Variants in PLPPR5 observed in about 807,000 individuals in gnomAD.
The protein encoded by PLPPR5 is phospholipid phosphatase related 5.
In PLPPR5, 16 loss-of-function variants were observed where a neutral mutation model predicts 33.9. That is an observed-to-expected ratio of 0.47 (90% confidence interval 0.32 to 0.72). The LOEUF is 0.72. Among genes scored for constraint, PLPPR5 ranks in the 30% least tolerant of loss-of-function variants. The probability of loss-of-function intolerance (pLI) is 0.03; values close to 1 mark genes in which losing one functional copy is unlikely to be tolerated. For synonymous variants in PLPPR5, 163 were observed against 150.3 expected, an observed-to-expected ratio of 1.08 and a Z score of -0.62; for missense variants, 301 against 406.7, an observed-to-expected ratio of 0.74 and a Z score of 2.23.
At chr1:98,980,063 G>A (rs1652001647) in intron 1 of PLPPR5, among the ~76,000 whole-genome samples, 1 of 152,018 alleles carries the variant, frequency 6.6e-6, no homozygotes, top group African/African-American at 2.4e-5. Flanking sequence ...TTCTGTGGCA[G>A]TCTCTATAAC....
chr1:98,912,885 G>A (rs1011581094), intron 5 of PLPPR5, among the ~76,000 whole-genome samples: 1 of 152,040 alleles, frequency 6.6e-6, no homozygotes, highest in African/African-American at 2.4e-5. Context: ...ATTAGTGTTA[G>A]TATATTATTA....
Position 98,906,601 on chromosome 1 carries a change from GT to G in PLPPR5, c.933+8184del, listed in dbSNP as rs199764572. ...GGTCTATTCACATGTTCTTGACCAAGTCCAAAGTAACTGGAGTAGGAAGAAC... is the reference window on the plus strand; with the variant it reads ...GGTCTATTCACATGTTCTTGACCAAGCCAAAGTAACTGGAGTAGGAAGAAC... On this transcript the variant is annotated intron_variant, in intron 5 of 5. Transcript: ENST00000263177. 8.0e-3 allele frequency among the ~76,000 whole-genome samples: 1,214 copies of G among 152,264 alleles called. 15 individuals are homozygous for G. The highest frequency in any genetic ancestry group is 0.011 in the Non-Finnish European group (765 of 68,018).
intron 1 of PLPPR5, among the ~76,000 whole-genome samples, chr1:98,979,878 G>A (rs1436181439): frequency 6.6e-6 from 1 of 151,964 alleles, no homozygotes; most frequent in Admixed American, 6.6e-5. Flanking sequence ...GCTCTGCCTT[G>A]CCTCTCAGCA....
rs776570787 is a variant in PLPPR5, at chr1:99,004,649, A to G, written c.23T>C (p.Leu8Pro). 2.9e-5 allele frequency: 46 copies of G among 1,611,248 alleles called. No homozygotes were observed. In the East Asian group the frequency reaches 9.2e-4, roughly 32 times the overall value. The change falls in exon 1 of 6, where the codon CTC (leucine) becomes CCC (proline). Residue 8 changes from leucine to proline, a missense_variant. By Grantham distance (98) the Leu-to-Pro change is moderately conservative. Coordinates refer to ENST00000263177, the MANE Select transcript of PLPPR5 (RefSeq NM_001037317.2). The part of the protein sequence containing the change: MPLLPAA[L>P]TSSMLYFQMV... ...CTGGAAATAGAGCATGCTGCTGGTG[A>G]GCGCCGCGGGCAGCAGGGGCATGCA...
intron 1 of PLPPR5, chr1:98,991,189 T>G (rs1467201373): frequency 6.6e-6 from 1 of 151,944 alleles, no homozygotes. Flanking sequence ...CAGCTTAGTC[T>G]CAGCAGGAGA....
intron 3 of PLPPR5, among the ~76,000 whole-genome samples, chr1:98,944,978 A>G (rs541235145): frequency 6.6e-6 from 1 of 152,210 alleles, no homozygotes; most frequent in Non-Finnish European, 1.5e-5. Context: ...TCAAATGACC[A>G]TGTATTCAGA....
At chr1:98,903,580 T>C (rs376384437) in intron 5 of PLPPR5, among the ~76,000 whole-genome samples, 56 of 152,208 alleles carry the variant, frequency 3.7e-4, no homozygotes, top group East Asian at 2.5e-3. Context: ...ATAGACAATA[T>C]CTGTATAAAC....
intron 3 of PLPPR5, among the ~76,000 whole-genome samples, chr1:98,926,670 C>T (rs1295623337): frequency 2.6e-5 from 4 of 152,022 alleles, no homozygotes; most frequent in Non-Finnish European, 5.9e-5. Context: ...CCTGTCAACA[C>T]CATTTTGAAC....
intron 1 of PLPPR5, among the ~76,000 whole-genome samples, chr1:99,001,450 T>C (rs1478860829): frequency 1.3e-5 from 2 of 151,930 alleles, no homozygotes; most frequent in Non-Finnish European, 2.9e-5. Context: ...CTCTTAACAA[T>C]GCAGCAGAGT....
Position 99,001,669 on chromosome 1 carries a change from A to AAGAT in PLPPR5, c.237+2762_237+2765dup, listed in dbSNP as rs370587528. Among the ~76,000 whole-genome samples the AAGAT allele has an allele frequency of 1.9e-3, 123 of 64,278 alleles. 1 individual carries two copies. Among genetic ancestry groups the AAGAT allele is most frequent in the East Asian group, 0.011 (23 of 2,182 alleles). The allele number at this position is 64,278 out of a possible 152,430, so 42.2% of individuals were successfully genotyped here. The stretch of plus-strand genomic sequence containing the variant: ...GAACTAGAAATGAGTTTGAAAGTTA[A>AAGAT]AGATATATATATATATATATATATA... On this transcript the variant is annotated intron_variant, in intron 1 of 5. Coordinates refer to ENST00000263177, the MANE Select transcript of PLPPR5 (RefSeq NM_001037317.2).
Position 98,914,931 on chromosome 1 carries a change from A to G in PLPPR5, c.799-11T>C. The G allele has an allele frequency of 6.2e-7, 1 of 1,607,384 alleles. No homozygotes were observed. On this transcript the variant is annotated splice_polypyrimidine_tract_variant and intron_variant, in intron 4 of 5. Coordinates refer to ENST00000263177, the MANE Select transcript of PLPPR5 (RefSeq NM_001037317.2). ...CACCACGCACACAACCTAAAATTTCAGAAGACAATTACAGTTAAAGCAAAC... is the reference window on the plus strand; with the variant it reads ...CACCACGCACACAACCTAAAATTTCGGAAGACAATTACAGTTAAAGCAAAC...
chr1:98,992,898 C>T (rs943598429), intron 1 of PLPPR5, among the ~76,000 whole-genome samples: 1 of 152,036 alleles, frequency 6.6e-6, no homozygotes, highest in Non-Finnish European at 1.5e-5. Context: ...GAAGGGCCAT[C>T]CCTGTATTAA....
At chr1:98,954,340 T>C (rs1046287928) in intron 2 of PLPPR5, among the ~76,000 whole-genome samples, 2 of 152,122 alleles carry the variant, frequency 1.3e-5, no homozygotes, top group African/African-American at 4.8e-5. Flanking sequence ...TTTAAAACTA[T>C]CCCAAAGTAA....
intron 1 of PLPPR5, among the ~76,000 whole-genome samples, chr1:98,974,757 CA>C (rs1651785990): frequency 6.6e-6 from 1 of 152,050 alleles, no homozygotes; most frequent in Non-Finnish European, 1.5e-5. Flanking sequence ...TATTTGATAA[CA>C]AGATGTATGC....
At position 98,904,261 on chromosome 1, in the gene PLPPR5, C is replaced by CTTT. The variant is rs1050471002; in HGVS notation, c.933+10522_933+10524dup. ...TAAACTATTCCTATCATTACTTTCC[C>CTTT]TTTTTTTTTTTTTTTTTTTGGCAAG... On this transcript the variant is annotated intron_variant, in intron 5 of 5. Transcript: ENST00000263177. 3.1e-3 allele frequency among the ~76,000 whole-genome samples: 367 copies of CTTT among 117,352 alleles called. 6 individuals are homozygous for CTTT. Among genetic ancestry groups the CTTT allele is most frequent in the African/African-American group, 9.8e-3 (314 of 32,122 alleles). The allele number at this position is 117,352 out of a possible 152,430, so 77.0% of individuals were successfully genotyped here.
At chr1:98,982,835 A>C (rs1652105821) in intron 1 of PLPPR5, among the ~76,000 whole-genome samples, 1 of 152,046 alleles carries the variant, frequency 6.6e-6, no homozygotes, top group African/African-American at 2.4e-5. Flanking sequence ...AAGGGTTGTA[A>C]GTTCCTCTTA....
chr1:98,916,912 C>G (rs922610499), intron 4 of PLPPR5, among the ~76,000 whole-genome samples: 1 of 152,080 alleles, frequency 6.6e-6, no homozygotes, highest in South Asian at 2.1e-4. Context: ...GGTTTTTGAT[C>G]CTGAACATGC....
chr1:98,977,680 T>C (rs368777790), intron 1 of PLPPR5, among the ~76,000 whole-genome samples: 1 of 151,516 alleles, frequency 6.6e-6, no homozygotes, highest in Admixed American at 6.6e-5. Flanking sequence ...TGAACATACC[T>C]TCTTCCTGGT....
chr1:99,004,227 G>A, intron 1 of PLPPR5: 1 of 559,182 alleles, frequency 1.8e-6, no homozygotes, highest in African/African-American at 1.9e-5. Context: ...GCGGGGTGTG[G>A]GGGGGTGACG....
Sources: allele counts gnomAD v4.1 joint callset (sites outside exome capture counted in the v4.1 genomes callset), GRCh38; gene constraint gnomAD v4.1.1; transcripts MANE v1.5; gene names NCBI Gene and HGNC (gene_info 2026-07-23, HGNC 2026-07-21).